Variants in ESYT1 observed in about 807,000 individuals in gnomAD.
The protein encoded by ESYT1 is extended synaptotagmin 1.
ESYT1 carries 116 observed loss-of-function variants against 154.2 expected under a neutral mutation model. The ratio of observed to expected loss-of-function variants is 0.75; its 90% CI spans 0.65 to 0.88. The LOEUF (loss-of-function observed/expected upper bound fraction) is 0.88, where lower values mean the gene tolerates loss of function less well. Ranked by LOEUF, ESYT1 falls within the 40% of genes least tolerant of loss-of-function variation. The probability of loss-of-function intolerance (pLI) is 0.00; values close to 1 mark genes in which losing one functional copy is unlikely to be tolerated. For synonymous variants in ESYT1, 500 were observed against 539.9 expected (o/e 0.93, Z 1.02); for missense variants, 1,264 against 1,379.3 (o/e 0.92, Z 1.32).
rs1240301094 is a variant in ESYT1 at position 56,131,257 on chromosome 12, G to A, written c.655G>A (p.Val219Met). ...ACCAATCCCCAGCTATGTAGGTGAT[G>A]TGCAGATTGATGTGGAAGTGAAGAA... ...LDLNISYVGD[V>M]QIDVEVKKYF... Residue 219 changes from valine (V) to methionine (M), a missense_variant, in exon 5 of 31, where the codon GTG becomes ATG. Transcript: ENST00000394048. 1 of 1,614,078 alleles carries A rather than the reference G, an allele frequency of 6.2e-7. No homozygotes were observed. Among genetic ancestry groups the A allele is most frequent in the African/African-American group, 1.3e-5 (1 of 74,920 alleles).
At position 56,128,271 on chromosome 12, in the gene ESYT1, A is replaced by C. The variant is rs750735892; in HGVS notation, c.-49A>C. The C allele has an allele frequency of 6.4e-7, 1 of 1,550,446 alleles. No individual in the cohort carries two copies. Among genetic ancestry groups the C allele is most frequent in the South Asian group, 1.2e-5 (1 of 81,828 alleles). ...GGGGGAGCTGATCGCAAGACTAGGC[A>C]ACCTCCAGCCAGTCCCTGGGTCGGG... On this transcript the variant is annotated 5_prime_UTR_variant, in exon 1 of 31. Transcript: ENST00000394048.
In ESYT1 at chr12:56,138,286, C is replaced by G; in HGVS notation, c.2337+14C>G. 6.2e-7 allele frequency: 1 copy of G among 1,614,102 alleles called. No individual in the cohort carries two copies. The highest frequency in any genetic ancestry group is 8.5e-7 in the Non-Finnish European group (1 of 1,179,946). On this transcript the variant is annotated intron_variant, in intron 21 of 30. Coordinates refer to ENST00000394048, the MANE Select transcript of ESYT1 (RefSeq NM_015292.3). ...GAGTTAGAGGAGGTAGGGCAGGAGA[C>G]TTGAGGAAGGAAGGGACCCAAGGTG...
chr12:56,130,708 G>T, intron 2 of ESYT1, 83 bp from the exon 3 acceptor site: 2 of 1,613,152 alleles, frequency 1.2e-6, no homozygotes, highest in Non-Finnish European at 1.7e-6. Flanking sequence ...AACCCTCAGT[G>T]CTCTCCGTGG....
In ESYT1 at chr12:56,138,399, C is replaced by T. The variant is rs749673170; in HGVS notation, c.2338-5C>T. 3.1e-6 allele frequency: 5 copies of T among 1,613,462 alleles called. No homozygotes were observed. The highest frequency in any genetic ancestry group is 4.2e-6 in the Non-Finnish European group (5 of 1,179,760). On this transcript the variant is annotated splice_region_variant and splice_polypyrimidine_tract_variant and intron_variant, in intron 21 of 30. Coordinates refer to ENST00000394048, the MANE Select transcript of ESYT1 (RefSeq NM_015292.3). ...CACTCCCCAGCCCCGTGTGCCCCTC[C>T]ACAGGTGCTGCAGGTGAATAGTTTG... is the stretch of plus-strand genomic sequence containing the variant.
Position 56,144,033 on chromosome 12 carries a change from G to C in ESYT1, c.*171G>C. ...CTTTGCCTGACCAAAGAGAAGAACCGTATGTTCCCTTTACTGCACGGCCTT... is the reference window on the plus strand; with the variant it reads ...CTTTGCCTGACCAAAGAGAAGAACCCTATGTTCCCTTTACTGCACGGCCTT... On this transcript the variant is annotated 3_prime_UTR_variant, in exon 31 of 31. Coordinates refer to ENST00000394048, the MANE Select transcript of ESYT1 (RefSeq NM_015292.3). 6.8e-7 allele frequency: 1 copy of C among 1,474,362 alleles called. No homozygotes were observed. The allele number at this position is 1,474,362 out of a possible 1,614,324, so 91.3% of individuals were successfully genotyped here.
At chr12:56,141,991 A>T (rs1341431899) in intron 24 of ESYT1, among the ~76,000 whole-genome samples, 1 of 149,658 alleles carries the variant, frequency 6.7e-6, no homozygotes, top group African/African-American at 2.5e-5. Context: ...CCAGCTACTC[A>T]GGAGGTTGAG....
At position 56,133,796 on chromosome 12, in the gene ESYT1, T is replaced by TG. The variant is rs1306744102; in HGVS notation, c.1400dup (p.Val468SerfsTer81). The stretch of plus-strand genomic sequence containing the variant: ...CCCTCCCCAGGTTCTACAGTGGAAT[T>TG]GGGGAGTCTCCTCTCGACCAGATCC... On this transcript the variant is annotated frameshift_variant, in exon 13 of 31. Coordinates refer to ENST00000394048, the MANE Select transcript of ESYT1 (RefSeq NM_015292.3). LOFTEE classifies it high-confidence loss of function. The TG allele has an allele frequency of 6.2e-7, 1 of 1,613,966 alleles. No homozygotes were observed. Among genetic ancestry groups the TG allele is most frequent in the Non-Finnish European group, 8.5e-7 (1 of 1,180,008 alleles).
intron 16 of ESYT1, 39 bp downstream of exon 16, chr12:56,136,932 G>C (rs1382535503): frequency 5.2e-6 from 8 of 1,542,938 alleles, no homozygotes; most frequent in Non-Finnish European, 6.1e-6. Flanking sequence ...TGGGGGAAAG[G>C]CCTGTTGATT....
rs200080223 is a variant in ESYT1, at chr12:56,132,273, C to T, written c.925C>T (p.Leu309=). 2 of 1,614,160 alleles carry T rather than the reference C, an allele frequency of 1.2e-6. No individual in the cohort carries two copies. Among genetic ancestry groups the T allele is most frequent in the Non-Finnish European group, 1.7e-6 (2 of 1,180,034 alleles). Residue 309 remains leucine (L), a synonymous_variant, in exon 8 of 31, where the codon CTG becomes TTG. Transcript: ENST00000394048. ...AAFLVLPNRL[L]VPLVPDLQDV... ...CTTCCTCGTGTTGCCCAACCGATTA[C>T]TGGTGCCCCTTGTGCCTGACCTTCA...
chr12:56,143,341 G>T lies in ESYT1; in HGVS notation c.3225+8G>T, dbSNP rs1009506112. On this transcript the variant is annotated splice_region_variant and intron_variant, in intron 29 of 30. Coordinates refer to ENST00000394048, the MANE Select transcript of ESYT1 (RefSeq NM_015292.3). ...CGTGAGCTGCTGGGGAAGGTAAGAG[G>T]GCAGGATGGCAGGGCAGAGGTGAGG... The T allele has an allele frequency of 1.2e-6, 2 of 1,612,998 alleles. No homozygotes were observed. Among genetic ancestry groups the T allele is most frequent in the Admixed American group, 1.7e-5 (1 of 59,982 alleles).
intron 24 of ESYT1, 77 bp downstream of exon 24, chr12:56,139,090 G>T: frequency 9.2e-7 from 1 of 1,083,246 alleles, no homozygotes; most frequent in Non-Finnish European, 1.4e-6. Context: ...AGAGCATTCA[G>T]AGATGAGATA....
chr12:56,139,257 C>T (rs979447017), intron 24 of ESYT1, among the ~76,000 whole-genome samples: 18 of 151,704 alleles, frequency 1.2e-4, no homozygotes, highest in African/African-American at 2.7e-4. Flanking sequence ...TACAGGTGCC[C>T]GCCACCACAC....
chr12:56,141,990 C>T lies in ESYT1; in HGVS notation c.2593-295C>T, dbSNP rs576901678. On this transcript the variant is annotated intron_variant, in intron 24 of 30. Transcript: ENST00000394048. Reference sequence around the variant, plus strand: ...GCAGGTGCCTGTAATCCCAGCTACTCAGGAGGTTGAGGCAGGAGAATCGCT... The same window carrying T: ...GCAGGTGCCTGTAATCCCAGCTACTTAGGAGGTTGAGGCAGGAGAATCGCT... 1.2e-4 allele frequency among the ~76,000 whole-genome samples: 18 copies of T among 150,732 alleles called. No homozygotes were observed. In the South Asian group the frequency reaches 3.6e-3, roughly 30 times the overall value.
In ESYT1 at chr12:56,128,715, C is replaced by A. The variant is rs370085755; in HGVS notation, c.390+6C>A. On this transcript the variant is annotated splice_donor_region_variant and intron_variant, in intron 1 of 30. Transcript: ENST00000394048. Reference sequence around the variant, plus strand: ...ATCGAGAGCTACCTGCCTGGGTGAGCGACCACCCTCGGTCCTCTGTGCAGC... The same window carrying A: ...ATCGAGAGCTACCTGCCTGGGTGAGAGACCACCCTCGGTCCTCTGTGCAGC... 80 of 1,612,602 alleles carry A rather than the reference C, an allele frequency of 5.0e-5. No homozygotes were observed. Among genetic ancestry groups the A allele is most frequent in the Non-Finnish European group, 2.4e-5 (28 of 1,180,008 alleles).
rs780961961 is a variant in ESYT1 at position 56,128,324 on chromosome 12, A to C, written c.5A>C (p.Glu2Ala). M[E>A]RSPGEGPSPS... The stretch of plus-strand genomic sequence containing the variant: ...GATCCTCCCAGAGGTGGCACAATGG[A>C]GCGATCTCCAGGAGAGGGCCCCAGC... The change falls in exon 1 of 31, where the codon GAG becomes GCG. Residue 2 changes from glutamate to alanine, a missense_variant. Coordinates refer to ENST00000394048, the MANE Select transcript of ESYT1 (RefSeq NM_015292.3). The C allele has an allele frequency of 6.2e-7, 1 of 1,609,662 alleles. No individual in the cohort carries two copies. Among genetic ancestry groups the C allele is most frequent in the Non-Finnish European group, 8.5e-7 (1 of 1,178,834 alleles).
Position 56,137,500 on chromosome 12 carries a change from A to T in ESYT1, c.1940A>T (p.His647Leu), listed in dbSNP as rs368789931. 4 of 1,611,536 alleles carry T rather than the reference A, an allele frequency of 2.5e-6. No individual in the cohort carries two copies. In the African/African-American group the frequency reaches 5.3e-5, roughly 22 times the overall value. ...TTPDSQFGTE[H>L]VLRIHVLEAQ... ...GGCACCCCCCCGTCCCTTTTGCAGC[A>T]TGTGCTTCGGATCCATGTATTAGAG... The change falls in exon 18 of 31, where the codon CAT becomes CTT. Residue 647 changes from histidine (H) to leucine (L), a missense_variant and splice_region_variant. Transcript: ENST00000394048.
Position 56,128,594 on chromosome 12 carries a change from G to A in ESYT1, c.275G>A (p.Arg92His), listed in dbSNP as rs771369460. 1.2e-6 allele frequency: 2 copies of A among 1,614,074 alleles called. No individual in the cohort carries two copies. The highest frequency in any genetic ancestry group is 4.5e-5 in the East Asian group (2 of 44,886). The change falls in exon 1 of 31, where the codon CGC becomes CAC. Residue 92 changes from arginine (R) to histidine (H), a missense_variant. By Grantham distance (29) the Arg-to-His change is conservative (BLOSUM62 0). Transcript: ENST00000394048. ...GGCCTCGCCCTCTACCTGGGCTGGCGCCGGGTCCGCGACGAGAAAGAACGG... is the reference window on the plus strand; with the variant it reads ...GGCCTCGCCCTCTACCTGGGCTGGCACCGGGTCCGCGACGAGAAAGAACGG... ...LFGLALYLGWRRVRDEKERSL... is the reference protein window; with the variant it reads ...LFGLALYLGWHRVRDEKERSL...
In ESYT1 at chr12:56,143,118, AGAG is replaced by A. The variant is rs1251116588; in HGVS notation, c.3092_3094del (p.Arg1031del). 2 of 1,614,060 alleles carry A rather than the reference AGAG, an allele frequency of 1.2e-6. No individual in the cohort carries two copies. The highest frequency in any genetic ancestry group is 2.7e-5 in the African/African-American group (2 of 74,918). On this transcript the variant is annotated inframe_deletion, in exon 28 of 31. Transcript: ENST00000394048. ...ACCAAGAGGAGGACCTCACAGAAGA[AGAG>A]GACCCTGAGTCCTGAATTTAATGAA...
intron 29 of ESYT1, 84 bp downstream of exon 29, chr12:56,143,417 C>A: frequency 6.7e-7 from 1 of 1,501,114 alleles, no homozygotes; most frequent in South Asian, 1.1e-5. Flanking sequence ...AAGGAAGTAC[C>A]CCACGTGATC....
Sources: allele counts gnomAD v4.1 joint callset (sites outside exome capture counted in the v4.1 genomes callset), GRCh38; gene constraint gnomAD v4.1.1; transcripts MANE v1.5; gene names NCBI Gene and HGNC (gene_info 2026-07-23, HGNC 2026-07-21).